Variants in TNNI3K observed in about 807,000 individuals in gnomAD.
TNNI3K encodes serine/threonine-protein kinase TNNI3K.
Under a neutral mutation model 114.5 loss-of-function variants are expected in TNNI3K, and 140 were observed. The ratio of observed to expected loss-of-function variants is 1.22; its 90% CI spans 1.07 to 1.41. The LOEUF (loss-of-function observed/expected upper bound fraction) is 1.41. TNNI3K is among the 40% of genes most tolerant of loss of function. The pLI is 0.00. For missense variants in TNNI3K, 1,125 were observed against 1,007.6 expected, an observed-to-expected ratio of 1.12 and a Z score of -1.58; for synonymous variants, 347 against 347.5, an observed-to-expected ratio of 1.00 and a Z score of 0.02.
At chr1:74,279,592 C>CAATGAATGAATGAATGAATG (rs56037474) in intron 5 of TNNI3K, among the ~76,000 whole-genome samples, 8 of 151,548 alleles carry the variant, frequency 5.3e-5, no homozygotes, top group African/African-American at 1.9e-4. Context: ...TAAATAGAAA[C>CAATGAATGAATGAATGAATG]AATGAATGAA....
At chr1:74,348,573 A>G (rs1214937361) in intron 9 of TNNI3K, among the ~76,000 whole-genome samples, 2 of 152,188 alleles carry the variant, frequency 1.3e-5, no homozygotes, top group Admixed American at 6.5e-5. Flanking sequence ...TATTGAATCT[A>G]TAAATTACCT....
rs1348335654 is a variant in TNNI3K at position 74,370,415 on chromosome 1, A to G, written c.1772+23A>G. ...CAGGTATTTTTTTCCTAAATAATGA[A>G]CTCAGAAGGGTATGACTAACTGGGA... On this transcript the variant is annotated intron_variant, in intron 17 of 24. Coordinates refer to ENST00000326637, the MANE Select transcript of TNNI3K (RefSeq NM_015978.3). The G allele has an allele frequency of 3.1e-6, 5 of 1,587,402 alleles. No homozygotes were observed. In the East Asian group the frequency reaches 1.1e-4, roughly 36 times the overall value.
At chr1:74,534,179 C>A (rs1035188989) in intron 23 of TNNI3K, among the ~76,000 whole-genome samples, 4 of 151,032 alleles carry the variant, frequency 2.6e-5, no homozygotes, top group African/African-American at 9.8e-5. Context: ...TGTTCTGGGT[C>A]TCTTTATTTA....
chr1:74,425,789 G>A (rs887310205), intron 17 of TNNI3K, among the ~76,000 whole-genome samples: 1 of 152,078 alleles, frequency 6.6e-6, no homozygotes, highest in Non-Finnish European at 1.5e-5. Flanking sequence ...TGAACAAAGG[G>A]AGGGAGAGAA....
rs201064243 is a variant in TNNI3K, at chr1:74,463,441, C to A, written c.2012C>A (p.Ala671Glu). The part of the protein sequence containing the change: ...GEIPFAHLKP[A>E]AAAADMAYHH... ...ACTGACATGACCATTTGGTTTGCAG[C>A]GGCTGCGGCAGCAGACATGGCTTAC... The change falls in exon 21 of 25, where the codon GCG becomes GAG. Residue 671 changes from alanine (A) to glutamate (E), a missense_variant and splice_region_variant. Ala to Glu is a moderately radical substitution (Grantham distance 107). Transcript: ENST00000326637. 11 of 1,614,092 alleles carry A rather than the reference C, an allele frequency of 6.8e-6. No homozygotes were observed. The highest frequency in any genetic ancestry group is 9.3e-6 in the Non-Finnish European group (11 of 1,179,980).
At chr1:74,449,495 G>C (rs183134168) in intron 20 of TNNI3K, among the ~76,000 whole-genome samples, 312 of 152,006 alleles carry the variant, frequency 2.1e-3, no homozygotes, top group African/African-American at 6.9e-3. Context: ...TCAGTGTGCT[G>C]TATTCAGGAA....
intron 24 of TNNI3K, among the ~76,000 whole-genome samples, chr1:74,543,249 A>G (rs1006528804): frequency 6.7e-6 from 1 of 150,332 alleles, no homozygotes; most frequent in Non-Finnish European, 1.5e-5. Flanking sequence ...TATTTTTTGT[A>G]TTTTAGTAGA....
Position 74,439,563 on chromosome 1 carries a change from A to C in TNNI3K, c.1952A>C (p.Tyr651Ser), listed in dbSNP as rs754437423. The C allele has an allele frequency of 6.2e-7, 1 of 1,613,478 alleles. No individual in the cohort carries two copies. The highest frequency in any genetic ancestry group is 8.5e-7 in the Non-Finnish European group (1 of 1,179,704). The stretch of plus-strand genomic sequence containing the variant: ...ACCATCAAAGCAGATGTCTTCAGCT[A>C]TGCTCTGTGTCTGTGGGAAATTCTC... ...RYTIKADVFS[Y>S]ALCLWEILTG... Residue 651 changes from tyrosine (Y) to serine (S), a missense_variant, in exon 20 of 25, where the codon TAT becomes TCT. By Grantham distance (144) the Tyr-to-Ser change is moderately radical. Coordinates refer to ENST00000326637, the MANE Select transcript of TNNI3K (RefSeq NM_015978.3).
chr1:74,245,927 A>G (rs1654525288), intron 2 of TNNI3K, among the ~76,000 whole-genome samples: 1 of 152,190 alleles, frequency 6.6e-6, no homozygotes, highest in African/African-American at 2.4e-5. Flanking sequence ...ACACACCTCA[A>G]CTTGCTTTGG....
intron 21 of TNNI3K, chr1:74,470,907 A>G (rs1667895100): frequency 2.5e-6 from 1 of 400,618 alleles, no homozygotes; most frequent in African/African-American, 2.1e-5. Context: ...CCATGTGCTC[A>G]GTGGACTCCG....
Position 74,522,850 on chromosome 1 carries a change from A to G in TNNI3K, c.2352-17384A>G, listed in dbSNP as rs538823262. ...AAACTTTACCTGTAGAAGGAATTCA[A>G]GATTAAACTGTGAACACATAAAATC... On this transcript the variant is annotated intron_variant, in intron 23 of 24. Transcript: ENST00000326637. 3.9e-3 allele frequency among the ~76,000 whole-genome samples: 601 copies of G among 152,330 alleles called. 4 individuals carry two copies. Among genetic ancestry groups the G allele is most frequent in the Non-Finnish European group, 6.2e-3 (421 of 68,028 alleles).
chr1:74,314,528 CTCTTGTTT>C (rs1659192018), intron 5 of TNNI3K, among the ~76,000 whole-genome samples: 1 of 151,988 alleles, frequency 6.6e-6, no homozygotes, highest in African/African-American at 2.4e-5. Context: ...AAAGTAGAGT[CTCTTGTTT>C]AAAAATGGGG....
At chr1:74,532,304 G>C (rs1202320906) in intron 23 of TNNI3K, among the ~76,000 whole-genome samples, 1 of 152,022 alleles carries the variant, frequency 6.6e-6, no homozygotes, top group Non-Finnish European at 1.5e-5. Flanking sequence ...TTCTGATTTT[G>C]CTCTGATTAT....
chr1:74,432,328 A>G (rs908794798), intron 17 of TNNI3K, among the ~76,000 whole-genome samples: 1 of 152,154 alleles, frequency 6.6e-6, no homozygotes, highest in East Asian at 1.9e-4. Context: ...GCAATATCAT[A>G]TATAACAGAA....
intron 20 of TNNI3K, among the ~76,000 whole-genome samples, chr1:74,443,909 C>T (rs770702789): frequency 2.6e-5 from 4 of 152,118 alleles, no homozygotes; most frequent in African/African-American, 7.2e-5. Flanking sequence ...AGACAGAAAC[C>T]TCATGATTAT....
chr1:74,462,848 A>C (rs1417792378), intron 20 of TNNI3K, among the ~76,000 whole-genome samples: 2 of 152,248 alleles, frequency 1.3e-5, no homozygotes, highest in Non-Finnish European at 2.9e-5. Flanking sequence ...ACAGACTTCA[A>C]TCAATGAGTA....
intron 23 of TNNI3K, among the ~76,000 whole-genome samples, chr1:74,535,230 A>G (rs1204811695): frequency 6.6e-6 from 1 of 152,158 alleles, no homozygotes; most frequent in Non-Finnish European, 1.5e-5. Context: ...TAATCCAAGC[A>G]CTTTGGGAGG....
chr1:74,294,351 T>C (rs76756160), intron 5 of TNNI3K, among the ~76,000 whole-genome samples: 25,302 of 151,934 alleles, frequency 0.17, 2,208 homozygotes, highest in South Asian at 0.24. Context: ...TTATCTAGGA[T>C]ATGGGTTTTC....
At chr1:74,449,856 A>G (rs1039229702) in intron 20 of TNNI3K, among the ~76,000 whole-genome samples, 2 of 147,640 alleles carry the variant, frequency 1.4e-5, no homozygotes, top group African/African-American at 5.1e-5. Flanking sequence ...CGAGACAGAA[A>G]GTCAACAAGG....
Sources: gnomAD v4.1 joint callset for allele counts (sites outside exome capture counted in the v4.1 genomes callset) on GRCh38, gnomAD v4.1.1 for gene constraint, MANE v1.5 for transcripts, NCBI Gene and HGNC (gene_info 2026-07-23, HGNC 2026-07-21) for gene names.